Variants in KLHL1 observed in about 807,000 individuals in gnomAD.
KLHL1 encodes the protein kelch like family member 1, also known as kelch-like protein 1.
KLHL1 carries 47 observed loss-of-function variants against 77.7 expected under a neutral mutation model. The observed-to-expected ratio is 0.60, with a 90% confidence interval of 0.48 to 0.77. KLHL1 has a LOEUF of 0.77. Among genes scored for constraint, KLHL1 ranks in the 30% least tolerant of loss-of-function variants. The pLI, the probability that KLHL1 is intolerant of heterozygous loss-of-function variation, is 0.00. For synonymous variants in KLHL1, 360 were observed against 325.2 expected, an observed-to-expected ratio of 1.11 and a Z score of -1.15; for missense variants, 925 against 910.8, an observed-to-expected ratio of 1.02 and a Z score of -0.20.
At chr13:69,717,292 C>A (rs1433552521) in intron 9 of KLHL1, among the ~76,000 whole-genome samples, 4 of 152,034 alleles carry the variant, frequency 2.6e-5, no homozygotes, top group African/African-American at 9.7e-5. Flanking sequence ...AGTCTATGTG[C>A]AAAGTGGTTC....
At chr13:70,050,984 A>G (rs1347881222) in intron 1 of KLHL1, among the ~76,000 whole-genome samples, 1 of 151,992 alleles carries the variant, frequency 6.6e-6, no homozygotes, top group East Asian at 1.9e-4. Flanking sequence ...TTAAAAAGAA[A>G]TTAGCATTAC....
At chr13:70,060,496 C>T (rs1886853909) in intron 1 of KLHL1, among the ~76,000 whole-genome samples, 1 of 150,226 alleles carries the variant, frequency 6.7e-6, no homozygotes, top group African/African-American at 2.5e-5. Flanking sequence ...TTACAATAGC[C>T]AAAATTTGGA....
intron 3 of KLHL1, among the ~76,000 whole-genome samples, chr13:69,951,551 T>C (rs1883712366): frequency 6.6e-6 from 1 of 151,558 alleles, no homozygotes. Context: ...GCAGTTTTAA[T>C]AGTTTATCTC....
chr13:70,071,271 G>A (rs1252515186), intron 1 of KLHL1, among the ~76,000 whole-genome samples: 1 of 151,942 alleles, frequency 6.6e-6, no homozygotes, highest in African/African-American at 2.4e-5. Flanking sequence ...GATATAAAGA[G>A]CAGCACTACA....
At chr13:69,958,290 T>TA (rs1883955181) in intron 3 of KLHL1, among the ~76,000 whole-genome samples, 1 of 151,760 alleles carries the variant, frequency 6.6e-6, no homozygotes, top group South Asian at 2.1e-4. Context: ...CTTTAGTTCT[T>TA]ACTGAATTTC....
intron 1 of KLHL1, among the ~76,000 whole-genome samples, chr13:69,998,879 C>T (rs912540967): frequency 3.9e-5 from 6 of 151,976 alleles, no homozygotes; most frequent in African/African-American, 1.4e-4. Context: ...TTTTGTGTCT[C>T]TAGAGCTGAG....
chr13:70,017,672 A>G (rs1885692164), intron 1 of KLHL1, among the ~76,000 whole-genome samples: 1 of 152,256 alleles, frequency 6.6e-6, no homozygotes, highest in South Asian at 2.1e-4. Flanking sequence ...CCGAAGGTGC[A>G]TACACATACA....
At chr13:69,947,803 C>T (rs1219234021) in intron 3 of KLHL1, among the ~76,000 whole-genome samples, 1 of 152,050 alleles carries the variant, frequency 6.6e-6, no homozygotes, top group Non-Finnish European at 1.5e-5. Context: ...TGCTGTATTT[C>T]TCGGCCAGAC....
chr13:69,813,821 C>G (rs1566283397), intron 6 of KLHL1, among the ~76,000 whole-genome samples: 1 of 152,140 alleles, frequency 6.6e-6, no homozygotes, highest in Non-Finnish European at 1.5e-5. Flanking sequence ...GTCCATACTG[C>G]TCAAAGCAAT....
chr13:69,715,426 C>A (rs1440874238), intron 9 of KLHL1, among the ~76,000 whole-genome samples: 1 of 152,088 alleles, frequency 6.6e-6, no homozygotes, highest in Non-Finnish European at 1.5e-5. Flanking sequence ...CCCGCTTCCC[C>A]TTCTCCCATG....
chr13:70,102,309 C>A (rs1253669582), intron 1 of KLHL1, among the ~76,000 whole-genome samples: 2 of 152,070 alleles, frequency 1.3e-5, no homozygotes, highest in Non-Finnish European at 2.9e-5. Context: ...ATAATTATTT[C>A]TTTCCATTTC....
At chr13:70,096,015 TAA>T (rs1260508994) in intron 1 of KLHL1, among the ~76,000 whole-genome samples, 1 of 152,100 alleles carries the variant, frequency 6.6e-6, no homozygotes, top group African/African-American at 2.4e-5. Flanking sequence ...TTGTTGCAAT[TAA>T]CATGATTTCA....
chr13:69,822,527 A>G (rs1479487936), intron 6 of KLHL1, among the ~76,000 whole-genome samples: 2 of 152,188 alleles, frequency 1.3e-5, no homozygotes, highest in Non-Finnish European at 2.9e-5. Context: ...ACTTCCAAAT[A>G]CATGAAGTCA....
chr13:69,921,981 T>A (rs2138265507), intron 4 of KLHL1, among the ~76,000 whole-genome samples: 1 of 147,910 alleles, frequency 6.8e-6, no homozygotes, highest in African/African-American at 2.5e-5. Context: ...CAGGCTGGAG[T>A]GCAGTGGTGC....
intron 1 of KLHL1, among the ~76,000 whole-genome samples, chr13:70,011,511 AAAG>A (rs1435317928): frequency 6.6e-6 from 1 of 152,164 alleles, no homozygotes; most frequent in Non-Finnish European, 1.5e-5. Context: ...TTCTTTTGGC[AAAG>A]AAGAAAGAAT....
At chr13:69,985,371 T>C (rs943722099) in intron 1 of KLHL1, among the ~76,000 whole-genome samples, 3 of 151,910 alleles carry the variant, frequency 2.0e-5, no homozygotes, top group Non-Finnish European at 2.9e-5. Flanking sequence ...CCAATAGATA[T>C]ATGAAGAAAA....
At chr13:69,726,420 T>C (rs1235010562) in intron 8 of KLHL1, among the ~76,000 whole-genome samples, 1 of 152,176 alleles carries the variant, frequency 6.6e-6, no homozygotes, top group Non-Finnish European at 1.5e-5. Context: ...ATATCTGCCT[T>C]TCCATGGGAA....
At chr13:69,750,892 A>G (rs546381613) in intron 7 of KLHL1, among the ~76,000 whole-genome samples, 7 of 152,204 alleles carry the variant, frequency 4.6e-5, no homozygotes, top group Middle Eastern at 3.4e-3. Flanking sequence ...TTGAAAAAAT[A>G]CATCTGGAAT....
intron 4 of KLHL1, among the ~76,000 whole-genome samples, chr13:69,933,772 G>A (rs776412017): frequency 6.6e-6 from 1 of 151,468 alleles, no homozygotes; most frequent in African/African-American, 2.4e-5. Flanking sequence ...CATACTGGTA[G>A]CACCGGACAG....
Sources: allele counts gnomAD v4.1 joint callset (sites outside exome capture counted in the v4.1 genomes callset), GRCh38; gene constraint gnomAD v4.1.1; transcripts MANE v1.5; gene names NCBI Gene and HGNC (gene_info 2026-07-23, HGNC 2026-07-21).